The following WDR45B variants were observed in gnomAD, a reference collection of about 807,000 sequenced individuals.
The protein encoded by WDR45B is WD repeat domain phosphoinositide-interacting protein 3.
A neutral mutation model predicts 44.6 loss-of-function variants in WDR45B; 20 were observed. The observed-to-expected ratio is 0.45, with a 90% CI of 0.32 to 0.65. The LOEUF (loss-of-function observed/expected upper bound fraction) is 0.65. WDR45B is among the 30% of genes least tolerant of loss of function. The probability of loss-of-function intolerance (pLI) is 0.05; values close to 1 mark genes in which losing one functional copy is unlikely to be tolerated. For missense variants in WDR45B, 323 were observed against 430.2 expected, an observed-to-expected ratio of 0.75 and a Z score of 2.20; for synonymous variants, 169 against 164.9, an observed-to-expected ratio of 1.02 and a Z score of -0.19.
chr17:82,641,617 C>T (rs559522705), intron 2 of WDR45B, among the ~76,000 whole-genome samples: 1 of 152,048 alleles, frequency 6.6e-6, no homozygotes, highest in East Asian at 1.9e-4. Flanking sequence ...AAGAGGTGGC[C>T]GGGGTGCGGT....
chr17:82,630,777 C>T (rs2045756904), intron 3 of WDR45B, 144 bp downstream of exon 3: 11 of 834,814 alleles, frequency 1.3e-5, no homozygotes, highest in East Asian at 2.5e-5. Flanking sequence ...GTGCCCTCTT[C>T]GCCTGCTTCC....
intron 2 of WDR45B, among the ~76,000 whole-genome samples, chr17:82,641,957 A>G (rs749178167): frequency 9.9e-5 from 8 of 81,180 alleles, no homozygotes; most frequent in Non-Finnish European, 3.0e-5. Flanking sequence ...GAAAAAAGAG[A>G]AAAAAAAAAT....
chr17:82,632,654 A>C (rs72852058), intron 2 of WDR45B, among the ~76,000 whole-genome samples: 12,052 of 152,196 alleles, frequency 0.079, 711 homozygotes, highest in Non-Finnish European at 0.12. Context: ...CTGTGTCTGC[A>C]ATGACCATGA....
intron 5 of WDR45B, among the ~76,000 whole-genome samples, chr17:82,623,887 G>C (rs751434672): frequency 1.4e-4 from 22 of 151,784 alleles, no homozygotes; most frequent in Non-Finnish European, 2.8e-4. Context: ...TTACCAGTGA[G>C]ATATCATCAC....
At chr17:82,617,474 G>A (rs1444859431) in intron 7 of WDR45B, 77 bp from the exon 8 acceptor site, 9 of 1,405,708 alleles carry the variant, frequency 6.4e-6, no homozygotes, top group Admixed American at 1.8e-5. Flanking sequence ...AGCACTTGTC[G>A]ACACTGTGGA....
chr17:82,617,474 G>C, intron 7 of WDR45B, 77 bp from the exon 8 acceptor site: 1 of 1,405,824 alleles, frequency 7.1e-7, no homozygotes, highest in African/African-American at 1.4e-5. Flanking sequence ...AGCACTTGTC[G>C]ACACTGTGGA....
chr17:82,621,070 T>C (rs1333596458), intron 6 of WDR45B, among the ~76,000 whole-genome samples: 5 of 151,126 alleles, frequency 3.3e-5, no homozygotes, highest in Admixed American at 2.6e-4. Flanking sequence ...TTTTTTTTTT[T>C]TGAGACGGAG....
chr17:82,627,330 C>T (rs368093696), intron 3 of WDR45B, 39 bp from the exon 4 acceptor site: 18 of 1,524,096 alleles, frequency 1.2e-5, no homozygotes, highest in Non-Finnish European at 1.5e-5. Flanking sequence ...CAGTCATCAG[C>T]AGGCCATGGC....
At chr17:82,645,080 G>A (rs1372575836) in intron 1 of WDR45B, among the ~76,000 whole-genome samples, 1 of 152,168 alleles carries the variant, frequency 6.6e-6, no homozygotes, top group African/African-American at 2.4e-5. Context: ...TGGATCACCT[G>A]AGATCAGGAG....
chr17:82,629,640 A>T (rs915757292), intron 3 of WDR45B: 54 of 985,440 alleles, frequency 5.5e-5, no homozygotes, highest in Non-Finnish European at 6.5e-5. Flanking sequence ...TAATTCCAAA[A>T]CAAAAATAAA....
Position 82,648,356 on chromosome 17 carries a change from G to C in WDR45B, c.-16C>G. ...GGAGGTTCATGGCGCCGCCGTGCTG[G>C]GTCGCCGCTCCTCAGCGCTGCATGC... On this transcript the variant is annotated 5_prime_UTR_variant, in exon 1 of 10. Coordinates refer to ENST00000392325, the MANE Select transcript of WDR45B (RefSeq NM_019613.4). The C allele has an allele frequency of 6.2e-7, 1 of 1,604,214 alleles. No individual in the cohort carries two copies. Among genetic ancestry groups the C allele is most frequent in the South Asian group, 1.1e-5 (1 of 89,978 alleles).
At chr17:82,627,007 C>G in intron 4 of WDR45B, 197 bp downstream of exon 4, 1 of 621,280 alleles carries the variant, frequency 1.6e-6, no homozygotes. Context: ...TCCAGCGGAG[C>G]CCTGGAAACA....
Position 82,616,460 on chromosome 17 carries a change from A to G in WDR45B, c.928+64T>C, listed in dbSNP as rs909666976. The G allele has an allele frequency of 4.0e-5, 65 of 1,611,160 alleles. No homozygotes were observed. The African/African-American group carries it at 6.1e-4, about 15-fold the overall frequency. On this transcript the variant is annotated intron_variant, in intron 9 of 9. Transcript: ENST00000392325. ...GGACGTCCATGGGAAGTTAGGTCTG[A>G]CGCTCAGTGGATGGAGCCCAGGTGG...
At chr17:82,629,601 A>T in intron 3 of WDR45B, 1 of 985,418 alleles carries the variant, frequency 1.0e-6, no homozygotes, top group Non-Finnish European at 1.2e-6. Flanking sequence ...TCCTACCGAT[A>T]ATCTCTTCCC....
At chr17:82,630,370 C>T (rs186009348) in intron 3 of WDR45B, among the ~76,000 whole-genome samples, 1 of 149,596 alleles carries the variant, frequency 6.7e-6, no homozygotes, top group African/African-American at 2.4e-5. Flanking sequence ...TCGCCTTGAG[C>T]CCTCTTTCCT....
rs377303681 is a variant in WDR45B at position 82,635,723 on chromosome 17, G to A, written c.143-4701C>T. Among the ~76,000 whole-genome samples, 9 of 152,000 alleles carry A rather than the reference G, an allele frequency of 5.9e-5. 1 individual carries two copies. The highest frequency in any genetic ancestry group is 6.8e-3 in the Middle Eastern group (2 of 294). On this transcript the variant is annotated intron_variant, in intron 2 of 9. Transcript: ENST00000392325. ...CAGGCATTAGCCACTGTGCGCAGCC[G>A]TCTTTTCAAGTTCTAAAAGCAACAA...
chr17:82,639,271 T>C (rs937790048), intron 2 of WDR45B, among the ~76,000 whole-genome samples: 1 of 151,992 alleles, frequency 6.6e-6, no homozygotes, highest in African/African-American at 2.4e-5. Flanking sequence ...TGAAGCACCA[T>C]TTTGAGGATG....
At chr17:82,635,465 G>T (rs897908887) in intron 2 of WDR45B, among the ~76,000 whole-genome samples, 2 of 138,972 alleles carry the variant, frequency 1.4e-5, no homozygotes, top group Non-Finnish European at 3.0e-5. Flanking sequence ...TGCTCTTGTC[G>T]CCCAGGATGG....
chr17:82,643,156 C>T (rs1184172379), intron 2 of WDR45B, among the ~76,000 whole-genome samples: 2 of 152,108 alleles, frequency 1.3e-5, no homozygotes, highest in Non-Finnish European at 2.9e-5. Flanking sequence ...GTGAGGTGGC[C>T]GGGGACGGTG....
Sources: allele counts gnomAD v4.1 joint callset (sites outside exome capture counted in the v4.1 genomes callset), GRCh38; gene constraint gnomAD v4.1.1; transcripts MANE v1.5; gene names NCBI Gene and HGNC (gene_info 2026-07-23, HGNC 2026-07-21).